The following CFAP47 variants were observed in gnomAD, a reference collection of about 807,000 sequenced individuals.
CFAP47 encodes the protein cilia and flagella associated protein 47.
Under a neutral mutation model 148.1 loss-of-function variants are expected in CFAP47, and 29 were observed. The ratio of observed to expected loss-of-function variants is 0.20; its 90% CI spans 0.15 to 0.27. The LOEUF (loss-of-function observed/expected upper bound fraction) is 0.27. CFAP47 is among the 10% of genes least tolerant of loss of function. CFAP47 has a pLI of 1.00. For synonymous variants in CFAP47, 664 were observed against 577.3 expected, an observed-to-expected ratio of 1.15 and a Z score of -2.15; for missense variants, 1,872 against 1,697.5, an observed-to-expected ratio of 1.10 and a Z score of -1.81.
At chrX:35,943,722 A>G (rs1170992694) in intron 3 of CFAP47, among the ~76,000 whole-genome samples, 1 of 111,801 alleles carries the variant, frequency 8.9e-6, no homozygotes, top group African/African-American at 3.2e-5. Context: ...CTCAGCTTTT[A>G]TCACTGAAGA....
chrX:35,936,618 A>G (rs982537181), intron 2 of CFAP47, among the ~76,000 whole-genome samples: 3 of 110,460 alleles, frequency 2.7e-5, no homozygotes, highest in Admixed American at 9.7e-5. Context: ...CTGTTATGTT[A>G]GGAGACTCTG....
chrX:35,927,731 T>A (rs1301063590), intron 2 of CFAP47, among the ~76,000 whole-genome samples: 3 of 110,364 alleles, frequency 2.7e-5, no homozygotes, highest in African/African-American at 9.9e-5. Flanking sequence ...CACAAGAAAG[T>A]CCCTCCTGTT....
rs781966277 is a variant in CFAP47 at position 36,353,971 on chromosome X, C to T, written c.8851+290C>T. ...TAACTATAATTTCCACTTCCCTCAA[C>T]TTTGTTTTTTTCTTTTACTCTTTCT... On this transcript the variant is annotated intron_variant, in intron 60 of 63. Transcript: ENST00000378653. 2.7e-5 allele frequency among the ~76,000 whole-genome samples: 3 copies of T among 111,791 alleles called. No individual in the cohort carries two copies. The East Asian group carries it at 8.5e-4, about 32-fold the overall frequency.
intron 30 of CFAP47, among the ~76,000 whole-genome samples, chrX:36,096,677 T>A (rs927875599): frequency 9.0e-6 from 1 of 110,517 alleles, no homozygotes; most frequent in Non-Finnish European, 1.9e-5. Flanking sequence ...GCTTTTTTTT[T>A]ATTTCCATTA....
chrX:35,949,176 C>T (rs1328125211), intron 4 of CFAP47, among the ~76,000 whole-genome samples: 1 of 75,339 alleles, frequency 1.3e-5, no homozygotes, highest in African/African-American at 7.4e-5. Flanking sequence ...TGTGTGTGTT[C>T]CGGCACTGGA....
chrX:36,357,276 T>C (rs1941793172), intron 60 of CFAP47, among the ~76,000 whole-genome samples: 1 of 111,997 alleles, frequency 8.9e-6, no homozygotes, highest in African/African-American at 3.2e-5. Flanking sequence ...TAGGCCTCTT[T>C]ATGTAAACCT....
intron 33 of CFAP47, among the ~76,000 whole-genome samples, chrX:36,134,140 A>G (rs1302180864): frequency 9.0e-6 from 1 of 111,358 alleles, no homozygotes. Flanking sequence ...TATATGCTAT[A>G]AACTACAAAA....
chrX:36,217,898 A>G (rs782666427), intron 45 of CFAP47, among the ~76,000 whole-genome samples: 1 of 110,673 alleles, frequency 9.0e-6, no homozygotes, highest in East Asian at 2.8e-4. Flanking sequence ...GCTGGTAAGT[A>G]AAAAAAAAGT....
chrX:36,069,566 A>G (rs1476643718), intron 27 of CFAP47, among the ~76,000 whole-genome samples: 2 of 111,872 alleles, frequency 1.8e-5, no homozygotes, highest in African/African-American at 6.5e-5. Context: ...AGAAATATAT[A>G]TAGTGATAAT....
intron 22 of CFAP47, 65 bp downstream of exon 22, chrX:36,014,977 G>A: frequency 3.6e-6 from 1 of 280,581 alleles, no homozygotes; most frequent in Admixed American, 6.3e-5. Flanking sequence ...GTGTCTAAAA[G>A]ATAAAAAATA....
chrX:36,158,652 T>C (rs1031398513), intron 37 of CFAP47, among the ~76,000 whole-genome samples: 1 of 112,083 alleles, frequency 8.9e-6, no homozygotes, highest in Non-Finnish European at 1.9e-5. Context: ...ATAAACTGTC[T>C]GGTGACAGTC....
rs782772277 is a variant in CFAP47 at position 36,377,877 on chromosome X, A to G, written c.9186-1473A>G. Among the ~76,000 whole-genome samples, 47 of 112,423 alleles carry G rather than the reference A, an allele frequency of 4.2e-4. No homozygotes were observed. The Admixed American group carries it at 4.3e-3, about 10-fold the overall frequency. On this transcript the variant is annotated intron_variant, in intron 62 of 63. Coordinates refer to ENST00000378653, the MANE Select transcript of CFAP47 (RefSeq NM_001304548.2). ...AATCGCTTTGCAGTGACTATTAACA[A>G]TTTAACAGATGTCAACACTAAAGTA...
At chrX:36,313,840 C>T (rs1556010429) in intron 56 of CFAP47, among the ~76,000 whole-genome samples, 1 of 111,113 alleles carries the variant, frequency 9.0e-6, no homozygotes, top group Non-Finnish European at 1.9e-5. Context: ...GATAGCATGG[C>T]AACTTGTGCA....
chrX:36,132,041 G>A (rs969868607), intron 33 of CFAP47, among the ~76,000 whole-genome samples: 1 of 111,142 alleles, frequency 9.0e-6, no homozygotes, highest in East Asian at 2.8e-4. Context: ...TTATAAAAAT[G>A]TACTGTTATA....
At chrX:36,178,888 G>T (rs1046391679) in intron 39 of CFAP47, among the ~76,000 whole-genome samples, 1 of 112,133 alleles carries the variant, frequency 8.9e-6, no homozygotes, top group African/African-American at 3.2e-5. Flanking sequence ...GATTTCAGAA[G>T]ATGGCATAAT....
At chrX:36,360,553 G>A (rs1941820412) in intron 60 of CFAP47, among the ~76,000 whole-genome samples, 1 of 111,749 alleles carries the variant, frequency 8.9e-6, no homozygotes, top group East Asian at 2.8e-4. Context: ...TTGGATTCTG[G>A]ATTAGCACAG....
At chrX:36,289,628 C>G (rs1387001775) in intron 51 of CFAP47, among the ~76,000 whole-genome samples, 2 of 111,450 alleles carry the variant, frequency 1.8e-5, no homozygotes, top group African/African-American at 6.5e-5. Context: ...TCTGCCTATA[C>G]TCTATTTTTA....
At chrX:36,185,670 A>T (rs1939798910) in intron 40 of CFAP47, among the ~76,000 whole-genome samples, 1 of 111,814 alleles carries the variant, frequency 8.9e-6, no homozygotes, top group South Asian at 3.7e-4. Context: ...GGTTTAAATA[A>T]CACAAATTTA....
chrX:36,088,502 C>G (rs1451790305), intron 30 of CFAP47, among the ~76,000 whole-genome samples: 13 of 110,718 alleles, frequency 1.2e-4, no homozygotes, highest in Non-Finnish European at 1.9e-4. Context: ...CCAGATCTCT[C>G]TCTCTTCTCT....
Sources: gnomAD v4.1 joint callset for allele counts (sites outside exome capture counted in the v4.1 genomes callset) on GRCh38, gnomAD v4.1.1 for gene constraint, MANE v1.5 for transcripts, NCBI Gene and HGNC (gene_info 2026-07-23, HGNC 2026-07-21) for gene names.